CNIH3: variants seen among roughly 807,000 people sequenced by gnomAD.
CNIH3 encodes cornichon family AMPA receptor auxiliary protein 3.
A neutral mutation model predicts 24.1 loss-of-function variants in CNIH3; 14 were observed. That is an observed-to-expected ratio of 0.58 (90% CI 0.38 to 0.91). CNIH3 has a LOEUF of 0.91. Ranked by LOEUF, CNIH3 falls within the 40% of genes least tolerant of loss-of-function variation. CNIH3 has a pLI of 0.00. For synonymous variants in CNIH3, 68 were observed against 73.8 expected, an observed-to-expected ratio of 0.92 and a Z score of 0.40; for missense variants, 178 against 196.8, an observed-to-expected ratio of 0.90 and a Z score of 0.57.
At chr1:224,669,724 G>T (rs1685769807) in intron 1 of CNIH3, among the ~76,000 whole-genome samples, 1 of 152,190 alleles carries the variant, frequency 6.6e-6, no homozygotes, top group Non-Finnish European at 1.5e-5. Context: ...ATTGTGCCCG[G>T]TGCTTGTTGT....
intron 3 of CNIH3, among the ~76,000 whole-genome samples, chr1:224,688,213 A>C (rs1686753059): frequency 6.6e-6 from 1 of 152,182 alleles, no homozygotes; most frequent in Non-Finnish European, 1.5e-5. Context: ...TGTTTTATTA[A>C]GTTTAGGAGG....
Position 224,730,499 on chromosome 1 carries a change from G to T in CNIH3, c.236G>T (p.Cys79Phe). The change falls in exon 4 of 6, where the codon TGC (cysteine) becomes TTC (phenylalanine). Residue 79 changes from cysteine (C) to phenylalanine (F), a missense_variant. Cys to Phe is a radical substitution (Grantham distance 205). Transcript: ENST00000272133. ...GAATACTCCATCCATAGCCTCTTCT[G>T]CATTATGTTCCTGTGTGCGCAAGAG... Reference protein sequence around the residue: ...LPEYSIHSLFCIMFLCAQEWL... With the variant: ...LPEYSIHSLFFIMFLCAQEWL... 1.9e-6 allele frequency: 3 copies of T among 1,561,690 alleles called. No homozygotes were observed. The highest frequency in any genetic ancestry group is 2.6e-6 in the Non-Finnish European group (3 of 1,151,458).
exon 1 of CNIH3, chr1:224,434,725 T>A (rs1674561203): frequency 1.0e-6 from 1 of 982,106 alleles, no homozygotes; most frequent in Non-Finnish European, 1.2e-6. Context: ...CGGAGGCAGC[T>A]GCCGCCTCTG....
At chr1:224,496,637 A>T (rs1372484784) in intron 1 of CNIH3, among the ~76,000 whole-genome samples, 1 of 152,166 alleles carries the variant, frequency 6.6e-6, no homozygotes, top group African/African-American at 2.4e-5. Flanking sequence ...TACTTAAGAA[A>T]TTGTTTACAG....
intron 1 of CNIH3, among the ~76,000 whole-genome samples, chr1:224,632,264 A>G (rs752659350): frequency 2.6e-5 from 4 of 152,166 alleles, no homozygotes. Context: ...CCCTATGGCT[A>G]CTGCAAACTG....
intron 2 of CNIH3, among the ~76,000 whole-genome samples, chr1:224,524,800 C>G (rs946090058): frequency 6.6e-6 from 1 of 152,036 alleles, no homozygotes; most frequent in East Asian, 1.9e-4. Flanking sequence ...CAGTGTCTTC[C>G]CAACCGAGAT....
chr1:224,718,476 G>A (rs978628153), intron 3 of CNIH3, among the ~76,000 whole-genome samples: 8 of 152,332 alleles, frequency 5.3e-5, no homozygotes, highest in African/African-American at 1.4e-4. Context: ...AGAGACCATC[G>A]TAAGGAGTTT....
At chr1:224,617,602 C>A (rs950385829) in intron 1 of CNIH3, among the ~76,000 whole-genome samples, 1 of 152,220 alleles carries the variant, frequency 6.6e-6, no homozygotes, top group Admixed American at 6.5e-5. Context: ...GAAGCGCCGC[C>A]GTCGGTCCCG....
In CNIH3 at chr1:224,443,712, T is replaced by TA. The variant is rs1030005602; in HGVS notation, n.203+8850_203+8851insA. ...CTATAGATATAGATATATATATATA[T>TA]TTTTTTAGGCTGCTTCTCTGAGAGT... is the stretch of plus-strand genomic sequence containing the variant. On this transcript the variant is annotated intron_variant and non_coding_transcript_variant, in intron 1 of 5. Coordinates refer to the CNIH3 transcript ENST00000471578. Among the ~76,000 whole-genome samples the TA allele has an allele frequency of 2.2e-3, 308 of 140,298 alleles. 1 individual carries two copies. The highest frequency in any genetic ancestry group is 7.9e-3 in the Middle Eastern group (2 of 254). The allele number at this position is 140,298 out of a possible 152,430, so 92.0% of individuals were successfully genotyped here. A position where few individuals can be genotyped will look rare whatever the true frequency, so the allele number is the denominator to read the frequency against.
intron 2 of CNIH3, among the ~76,000 whole-genome samples, chr1:224,536,734 A>G (rs1029073091): frequency 6.6e-6 from 1 of 152,214 alleles, no homozygotes; most frequent in African/African-American, 2.4e-5. Flanking sequence ...TGATTGTCCA[A>G]AGAAAGACAC....
chr1:224,522,151 C>T (rs1678661199), intron 2 of CNIH3, among the ~76,000 whole-genome samples: 1 of 152,060 alleles, frequency 6.6e-6, no homozygotes, highest in African/African-American at 2.4e-5. Flanking sequence ...TAGGCTACTT[C>T]CTGAAGTTCT....
downstream of CNIH3, among the ~76,000 whole-genome samples, chr1:224,593,400 C>T (rs190017745): frequency 1.0e-3 from 156 of 152,236 alleles, no homozygotes; most frequent in Non-Finnish European, 1.8e-3. Context: ...CTGGTCCATA[C>T]CTGGTTTTCA....
chr1:224,689,316 C>T (rs1686815316), intron 3 of CNIH3, among the ~76,000 whole-genome samples: 2 of 152,180 alleles, frequency 1.3e-5, no homozygotes, highest in South Asian at 4.1e-4. Context: ...GTGTGCAATG[C>T]ATATTAAATG....
At position 224,696,772 on chromosome 1, in the gene CNIH3, TTGTGTG is replaced by T. The variant is rs66962239; in HGVS notation, c.198+11949_198+11954del. On this transcript the variant is annotated intron_variant, in intron 3 of 5. Transcript: ENST00000272133. ...TTGTTATGTGCTGAAGGGGATAAAT[TTGTGTG>T]TGTGTGTGTGTGTGTGTGTATGTGG... 2.7e-3 allele frequency among the ~76,000 whole-genome samples: 410 copies of T among 149,990 alleles called. 1 individual carries two copies. Among genetic ancestry groups the T allele is most frequent in the African/African-American group, 7.7e-3 (314 of 40,752 alleles).
chr1:224,650,989 T>G (rs1684831681), intron 1 of CNIH3, among the ~76,000 whole-genome samples: 1 of 152,128 alleles, frequency 6.6e-6, no homozygotes, highest in Admixed American at 6.5e-5. Context: ...TCTGTGTGGT[T>G]GTTCACATGG....
intron 1 of CNIH3, among the ~76,000 whole-genome samples, chr1:224,455,154 G>T (rs958267859): frequency 3.3e-5 from 5 of 152,072 alleles, no homozygotes; most frequent in Non-Finnish European, 7.4e-5. Context: ...TAATAATGTC[G>T]AATATTATGT....
At chr1:224,586,063 AG>A (rs1681494858) in intron 5 of CNIH3, among the ~76,000 whole-genome samples, 1 of 152,232 alleles carries the variant, frequency 6.6e-6, no homozygotes, top group Non-Finnish European at 1.5e-5. Context: ...TCCTTCCCCT[AG>A]TACTGCAGAA....
chr1:224,574,801 T>C, intron 4 of CNIH3: 1 of 982,646 alleles, frequency 1.0e-6, no homozygotes, highest in South Asian at 1.3e-5. Flanking sequence ...AAGGAATTTT[T>C]CCCATTGGAT....
intron 1 of CNIH3, among the ~76,000 whole-genome samples, chr1:224,636,555 G>C (rs1389739256): frequency 6.6e-6 from 1 of 152,198 alleles, no homozygotes; most frequent in East Asian, 1.9e-4. Context: ...TTTGAGCTAT[G>C]CTGTGTGCCA....
Sources: gnomAD v4.1 joint callset for allele counts (sites outside exome capture counted in the v4.1 genomes callset) on GRCh38, gnomAD v4.1.1 for gene constraint, MANE v1.5 for transcripts, NCBI Gene and HGNC (gene_info 2026-07-23, HGNC 2026-07-21) for gene names.